The following ARFGEF2 variants were observed in gnomAD, a reference collection of about 807,000 sequenced individuals.
ARFGEF2 encodes ARF guanine nucleotide exchange factor 2.
In ARFGEF2, 74 loss-of-function variants were observed where a neutral mutation model predicts 219.9. The ratio of observed to expected loss-of-function variants is 0.34; its 90% CI spans 0.28 to 0.41. ARFGEF2 has a LOEUF of 0.41. ARFGEF2 is among the 10% of genes least tolerant of loss of function. ARFGEF2 has a pLI of 1.00. For synonymous variants in ARFGEF2, 733 were observed against 799.2 expected (o/e 0.92, Z 1.40); for missense variants, 1,743 against 2,218.3 (o/e 0.79, Z 4.30).
chr20:49,033,232 C>A lies in ARFGEF2; in HGVS notation c.*33C>A. 6.2e-7 allele frequency: 1 copy of A among 1,611,760 alleles called. No homozygotes were observed. Among genetic ancestry groups the A allele is most frequent in the Non-Finnish European group, 8.5e-7 (1 of 1,178,176 alleles). ...TGCCCAGGCCAGTGCTGCAGCTCTG[C>A]AGAATGTTCAGCATGCCATTTCTGA... On this transcript the variant is annotated 3_prime_UTR_variant, in exon 39 of 39. Transcript: ENST00000371917.
chr20:48,977,425 C>T (rs563879639), intron 14 of ARFGEF2, among the ~76,000 whole-genome samples: 107 of 152,120 alleles, frequency 7.0e-4, no homozygotes, highest in Non-Finnish European at 1.3e-3. Flanking sequence ...TGAATAGTGC[C>T]GCAATAAACA....
intron 21 of ARFGEF2, among the ~76,000 whole-genome samples, chr20:48,992,686 C>T (rs1256144160): frequency 6.6e-6 from 1 of 152,186 alleles, no homozygotes; most frequent in Non-Finnish European, 1.5e-5. Context: ...TGGCGTATGG[C>T]TTTGCTCCTC....
At chr20:49,013,423 A>G in intron 28 of ARFGEF2, 141 bp from the exon 29 acceptor site, 1 of 1,005,324 alleles carries the variant, frequency 9.9e-7, no homozygotes, top group South Asian at 1.3e-5. Flanking sequence ...GTCTTTGTGT[A>G]GTCTGTTCCC....
intron 8 of ARFGEF2, among the ~76,000 whole-genome samples, chr20:48,966,510 A>G (rs2091188041): frequency 6.6e-6 from 1 of 152,218 alleles, no homozygotes; most frequent in Non-Finnish European, 1.5e-5. Flanking sequence ...TGCTTTTTAA[A>G]CAATTTATAT....
chr20:48,954,573 A>T (rs531642904), intron 6 of ARFGEF2, among the ~76,000 whole-genome samples: 1 of 152,208 alleles, frequency 6.6e-6, no homozygotes, highest in Non-Finnish European at 1.5e-5. Flanking sequence ...TTCTTCAGCC[A>T]CATTACTGAT....
intron 1 of ARFGEF2, among the ~76,000 whole-genome samples, chr20:48,938,350 C>A (rs968853935): frequency 6.6e-6 from 1 of 152,214 alleles, no homozygotes; most frequent in Admixed American, 6.5e-5. Flanking sequence ...GGCTCTTCTC[C>A]ATCCCTTAAA....
At chr20:49,029,589 A>C (rs2123578694) in intron 37 of ARFGEF2, among the ~76,000 whole-genome samples, 1 of 141,078 alleles carries the variant, frequency 7.1e-6, no homozygotes, top group Middle Eastern at 3.5e-3. Flanking sequence ...TAGTCATTAA[A>C]AGTGAATTTT....
intron 1 of ARFGEF2, among the ~76,000 whole-genome samples, chr20:48,938,907 C>T (rs1352727834): frequency 6.6e-6 from 1 of 151,906 alleles, no homozygotes; most frequent in African/African-American, 2.4e-5. Context: ...TGACATTTCC[C>T]GTCTGGCCTC....
At chr20:48,973,389 C>A in intron 12 of ARFGEF2, 105 bp downstream of exon 12, 1 of 1,235,958 alleles carries the variant, frequency 8.1e-7, no homozygotes, top group Non-Finnish European at 1.2e-6. Flanking sequence ...CAGCAGTGAA[C>A]AAAACAGGAA....
intron 30 of ARFGEF2, 145 bp from the exon 31 acceptor site, chr20:49,016,135 A>T: frequency 1.2e-6 from 1 of 821,694 alleles, no homozygotes. Flanking sequence ...TCCTCTGTAC[A>T]TATGAATGTA....
intron 6 of ARFGEF2, among the ~76,000 whole-genome samples, chr20:48,956,296 T>G (rs1251525139): frequency 1.3e-5 from 2 of 152,220 alleles, no homozygotes; most frequent in Non-Finnish European, 2.9e-5. Context: ...TTTAATTAAC[T>G]GGGAATCCCC....
chr20:48,969,673 C>G (rs1484355427), intron 9 of ARFGEF2, among the ~76,000 whole-genome samples: 2 of 152,150 alleles, frequency 1.3e-5, no homozygotes, highest in Non-Finnish European at 2.9e-5. Flanking sequence ...AGATGTAAGC[C>G]CCAGATTCGA....
At position 49,033,116 on chromosome 20, in the gene ARFGEF2, T is replaced by C. The variant is rs1321725717; in HGVS notation, c.5275T>C (p.Phe1759Leu). The change falls in exon 39 of 39, where the codon TTC (phenylalanine) becomes CTC (leucine). Residue 1759 changes from phenylalanine (F) to leucine (L), a missense_variant. Physicochemically the swap from Phe to Leu is conservative, Grantham distance 22. This residue lies in a region of ARFGEF2 where 578 missense variants were observed against 664.0 expected (regional missense o/e 0.87). Coordinates refer to ENST00000371917, the MANE Select transcript of ARFGEF2 (RefSeq NM_006420.3). ...GCTCCGAGCAGTTCTGCGGAAGTTC[T>C]TCCTACGGATAGGTGTTGTGTATAA... ...PELRAVLRKF[F>L]LRIGVVYKIW... 4 of 1,614,132 alleles carry C rather than the reference T, an allele frequency of 2.5e-6. No individual in the cohort carries two copies. The highest frequency in any genetic ancestry group is 8.5e-7 in the Non-Finnish European group (1 of 1,180,050).
At chr20:48,946,545 G>A (rs1214479550) in intron 3 of ARFGEF2, among the ~76,000 whole-genome samples, 4 of 151,076 alleles carry the variant, frequency 2.6e-5, no homozygotes, top group Non-Finnish European at 5.9e-5. Flanking sequence ...TTAGAGAAAG[G>A]AAACACCTTT....
At chr20:48,935,068 C>T (rs2090938281) in intron 1 of ARFGEF2, among the ~76,000 whole-genome samples, 2 of 151,530 alleles carry the variant, frequency 1.3e-5, no homozygotes, top group Non-Finnish European at 2.9e-5. Flanking sequence ...GAGATGGTAT[C>T]TCGTTGTGGT....
intron 1 of ARFGEF2, among the ~76,000 whole-genome samples, chr20:48,939,406 C>T (rs6019543): frequency 0.31 from 47,093 of 151,766 alleles, 7,476 homozygotes; most frequent in East Asian, 0.47. Flanking sequence ...GAAGGAAAAC[C>T]TACATTTGAG....
At chr20:48,949,651 G>A (rs1029244491) in intron 3 of ARFGEF2, among the ~76,000 whole-genome samples, 10 of 151,978 alleles carry the variant, frequency 6.6e-5, no homozygotes, top group Non-Finnish European at 1.2e-4. Context: ...TTGTTGAGTG[G>A]TGACACTTCA....
At chr20:48,948,775 T>C (rs2091046212) in intron 3 of ARFGEF2, among the ~76,000 whole-genome samples, 1 of 152,288 alleles carries the variant, frequency 6.6e-6, no homozygotes. Context: ...CCCTGACTCA[T>C]GTGTCAGTGG....
At chr20:48,990,459 G>A (rs967737404) in intron 20 of ARFGEF2, among the ~76,000 whole-genome samples, 1 of 152,166 alleles carries the variant, frequency 6.6e-6, no homozygotes, top group African/African-American at 2.4e-5. Context: ...AAATTAGGAG[G>A]TTGACAATCC....
Sources: gnomAD v4.1 joint callset for allele counts (sites outside exome capture counted in the v4.1 genomes callset) on GRCh38, gnomAD v4.1.1 for gene constraint, gnomAD v4.1.1 regional missense constraint, MANE v1.5 for transcripts, NCBI Gene and HGNC (gene_info 2026-07-23, HGNC 2026-07-21) for gene names.